Variants in CSN3 observed in about 807,000 individuals in gnomAD.
CSN3 encodes kappa-casein.
Under a neutral mutation model 9.9 loss-of-function variants are expected in CSN3, and 7 were observed. The ratio of observed to expected loss-of-function variants is 0.71; its 90% CI spans 0.40 to 1.33. The LOEUF (loss-of-function observed/expected upper bound fraction) is 1.33, where lower values mean the gene tolerates loss of function less well. CSN3 is among the 40% of genes most tolerant of loss of function. The probability of loss-of-function intolerance (pLI) is 0.01; values close to 1 mark genes in which losing one functional copy is unlikely to be tolerated. For synonymous variants in CSN3, 88 were observed against 82.3 expected (o/e 1.07, Z -0.37); for missense variants, 253 against 227.9 (o/e 1.11, Z -0.71).
intron 3 of CSN3, among the ~76,000 whole-genome samples, 161 bp from the exon 4 acceptor site, chr4:70,248,837 T>A (rs1730427351): frequency 6.6e-6 from 1 of 151,982 alleles, no homozygotes; most frequent in South Asian, 2.1e-4. Context: ...AAAGGCAATG[T>A]ACAAATCAAC....
intron 3 of CSN3, among the ~76,000 whole-genome samples, chr4:70,248,508 AAAT>A (rs1730422161): frequency 6.6e-6 from 1 of 152,190 alleles, no homozygotes; most frequent in East Asian, 1.9e-4. Flanking sequence ...GTTTAGGAAA[AAAT>A]AAATGTGCTC....
chr4:70,246,966 G>A (rs1001119941), intron 2 of CSN3, among the ~76,000 whole-genome samples: 21 of 151,618 alleles, frequency 1.4e-4, no homozygotes, highest in Admixed American at 6.6e-4. Context: ...ACATGTGCCC[G>A]GCCTCATATT....
intron 2 of CSN3, 125 bp from the exon 3 acceptor site, chr4:70,247,693 T>C (rs1178945385): frequency 2.5e-6 from 2 of 812,300 alleles, no homozygotes; most frequent in Non-Finnish European, 3.9e-6. Context: ...TCATGAAAAA[T>C]GTTTTAAAAA....
chr4:70,243,205 C>A (rs1730306951), intron 1 of CSN3: 1 of 965,920 alleles, frequency 1.0e-6, no homozygotes, highest in Non-Finnish European at 1.2e-6. Context: ...ATGGTCTTAT[C>A]TCTGTGATTT....
chr4:70,245,664 T>C (rs973518624), intron 2 of CSN3, among the ~76,000 whole-genome samples: 8 of 152,148 alleles, frequency 5.3e-5, no homozygotes, highest in African/African-American at 1.2e-4. Flanking sequence ...TCCTCCTAGA[T>C]TGTAAAATTT....
At chr4:70,238,445 T>C (rs893081629), upstream of CSN3, among the ~76,000 whole-genome samples, 1 of 151,702 alleles carries the variant, frequency 6.6e-6, no homozygotes, top group Non-Finnish European at 1.5e-5. Flanking sequence ...GAAAAAGTGG[T>C]AGAAGTTAAG....
intron 2 of CSN3, among the ~76,000 whole-genome samples, chr4:70,245,778 C>T (rs1013496631): frequency 6.6e-6 from 1 of 152,082 alleles, no homozygotes; most frequent in African/African-American, 2.4e-5. Flanking sequence ...CTATTACCTG[C>T]ATGTTGTGCT....
intron 4 of CSN3, among the ~76,000 whole-genome samples, 183 bp downstream of exon 4, chr4:70,249,676 T>C (rs1238617511): frequency 6.6e-6 from 1 of 152,186 alleles, no homozygotes; most frequent in Non-Finnish European, 1.5e-5. Flanking sequence ...CTGTTCCAAC[T>C]AGAAATTTAA....
rs987526636 is a variant in CSN3 at position 70,247,964 on chromosome 4, A to C, written c.87+114A>C. ...AAAACCTAAATATTTCATTTCCATAAAACAATCTAATAATATTTGCAAGAA... is the reference window on the plus strand; with the variant it reads ...AAAACCTAAATATTTCATTTCCATACAACAATCTAATAATATTTGCAAGAA... On this transcript the variant is annotated intron_variant, in intron 3 of 4. Transcript: ENST00000304954. 8 of 649,714 alleles carry C rather than the reference A, an allele frequency of 1.2e-5. No homozygotes were observed. The African/African-American group carries it at 1.5e-4, about 12-fold the overall frequency. The allele number at this position is 649,714 out of a possible 1,614,324, so 40.2% of individuals were successfully genotyped here.
exon 4 of CSN3, chr4:70,249,133 T>C (rs1314104317): frequency 1.2e-6 from 2 of 1,613,994 alleles, no homozygotes; most frequent in Non-Finnish European, 1.7e-6. Flanking sequence ...TAATAATCCA[T>C]ATGTGCCTCG....
chr4:70,242,113 G>A (rs1730282214), upstream of CSN3, among the ~76,000 whole-genome samples: 1 of 151,644 alleles, frequency 6.6e-6, no homozygotes, highest in Admixed American at 6.6e-5. Flanking sequence ...CATTTCAACA[G>A]CAGTTTTAAG....
chr4:70,248,289 C>T (rs902218823), intron 3 of CSN3, among the ~76,000 whole-genome samples: 58 of 152,112 alleles, frequency 3.8e-4, no homozygotes, highest in African/African-American at 1.3e-3. Flanking sequence ...AAATGTGTCT[C>T]GTTTTAGGAG....
intron 3 of CSN3, among the ~76,000 whole-genome samples, chr4:70,248,730 T>C (rs1730425405): frequency 6.6e-6 from 1 of 152,076 alleles, no homozygotes; most frequent in Admixed American, 6.6e-5. Context: ...CTGGGCAATA[T>C]GGTTTACATT....
exon 4 of CSN3, chr4:70,249,331 G>C: frequency 3.1e-6 from 5 of 1,613,878 alleles, no homozygotes; most frequent in Non-Finnish European, 4.2e-6. Flanking sequence ...TGCTACTGTT[G>C]AACCTACACC....
chr4:70,240,195 A>C (rs961689856), upstream of CSN3, among the ~76,000 whole-genome samples: 1 of 152,046 alleles, frequency 6.6e-6, no homozygotes, highest in Non-Finnish European at 1.5e-5. Flanking sequence ...TTACTAAAAA[A>C]AGAGTGTATA....
intron 1 of CSN3, among the ~76,000 whole-genome samples, 184 bp downstream of exon 1, chr4:70,242,849 A>G (rs1025552827): frequency 3.9e-5 from 6 of 152,202 alleles, no homozygotes; most frequent in African/African-American, 1.4e-4. Context: ...TTATGTTCAA[A>G]TTTATTTTTA....
At chr4:70,247,684 C>A in intron 2 of CSN3, 134 bp from the exon 3 acceptor site, 1 of 725,976 alleles carries the variant, frequency 1.4e-6, no homozygotes, top group Non-Finnish European at 2.2e-6. Flanking sequence ...ATAGATCACT[C>A]ATGAAAAATG....
chr4:70,249,310 A>G, exon 4 of CSN3: 1 of 1,613,990 alleles, frequency 6.2e-7, no homozygotes. Context: ...CATCCCTACC[A>G]TCAATACCAT....
chr4:70,250,330 A>G (rs369554690), intron 4 of CSN3, among the ~76,000 whole-genome samples: 24 of 152,310 alleles, frequency 1.6e-4, no homozygotes, highest in African/African-American at 5.8e-4. Context: ...TACATGTTTT[A>G]TGATCTAAAA....
Sources: gnomAD v4.1 joint callset for allele counts (sites outside exome capture counted in the v4.1 genomes callset) on GRCh38, gnomAD v4.1.1 for gene constraint, MANE v1.5 for transcripts, NCBI Gene and HGNC (gene_info 2026-07-23, HGNC 2026-07-21) for gene names.